Variants in PERM1 observed in about 807,000 individuals in gnomAD.
PERM1 encodes the protein PGC-1 and ERR-induced regulator in muscle protein 1.
PERM1 carries 45 observed loss-of-function variants against 44.1 expected under a neutral mutation model. The observed-to-expected ratio is 1.02, with a 90% confidence interval of 0.80 to 1.31. The LOEUF (loss-of-function observed/expected upper bound fraction) is 1.31. Ranked by LOEUF, PERM1 falls within the 50% of genes most tolerant of loss-of-function variation. PERM1 has a pLI of 0.00. For missense variants in PERM1, 1,189 were observed against 1,106.9 expected, an observed-to-expected ratio of 1.07 and a Z score of -1.05; for synonymous variants, 565 against 477.1, an observed-to-expected ratio of 1.18 and a Z score of -2.40.
chr1:979,615 A>G, exon 1 of PERM1: 1 of 1,550,276 alleles, frequency 6.5e-7, no homozygotes, highest in Non-Finnish European at 8.7e-7. Flanking sequence ...AACCGCCTCC[A>G]TCTCCACCAC....
upstream of PERM1, among the ~76,000 whole-genome samples, chr1:981,842 G>A (rs572280891): frequency 1.6e-3 from 246 of 152,328 alleles, no homozygotes; most frequent in South Asian, 2.7e-3. Flanking sequence ...GCCAGCTGTC[G>A]GGTCTACCCC....
At chr1:976,269 G>T (rs778949666) in exon 3 of PERM1, 138 of 1,514,136 alleles carry the variant, frequency 9.1e-5, no homozygotes, top group Non-Finnish European at 4.2e-5. Context: ...GGCCAGCAAG[G>T]CTGCAAGAGA....
At chr1:981,489 G>T (rs1643792031), upstream of PERM1, among the ~76,000 whole-genome samples, 1 of 152,228 alleles carries the variant, frequency 6.6e-6, no homozygotes, top group South Asian at 2.1e-4. Flanking sequence ...CACCCGATGG[G>T]ACCAGTGCCC....
At position 976,534 on chromosome 1, in the gene PERM1, G is replaced by GT; in HGVS notation, c.2239dup (p.Thr747AsnfsTer76). On this transcript the variant is annotated frameshift_variant, in exon 2 of 3. Transcript: ENST00000433179. LOFTEE classifies it high-confidence loss of function. ...GGCGTCTGGGGTATGCGGATCTGACGTCCTCACAGCCCAGGTGGCAAAAGC... is the reference window on the plus strand; with the variant it reads ...GGCGTCTGGGGTATGCGGATCTGACGTTCCTCACAGCCCAGGTGGCAAAAGC... 1.3e-6 allele frequency: 2 copies of GT among 1,549,582 alleles called. No individual in the cohort carries two copies. The highest frequency in any genetic ancestry group is 1.7e-6 in the Non-Finnish European group (2 of 1,146,440).
At chr1:979,258 G>A (rs1195158705) in exon 1 of PERM1, 1 of 1,549,962 alleles carries the variant, frequency 6.5e-7, no homozygotes, top group Admixed American at 2.0e-5. Context: ...CTCCTCGATG[G>A]TGTCACAGAA....
upstream of PERM1, chr1:981,095 C>T (rs1029257039): frequency 1.3e-6 from 2 of 1,548,394 alleles, no homozygotes; most frequent in African/African-American, 1.4e-5. Flanking sequence ...GGGTTCAGGC[C>T]CCGGGCACCA....
chr1:980,280 C>T (rs1344309990), exon 1 of PERM1: 19 of 1,550,264 alleles, frequency 1.2e-5, no homozygotes, highest in Non-Finnish European at 1.6e-5. Context: ...CCAAACCTGG[C>T]CCTGGTCTGT....
At chr1:978,645 C>T (rs1327155127) in intron 1 of PERM1, among the ~76,000 whole-genome samples, 2 of 152,234 alleles carry the variant, frequency 1.3e-5, no homozygotes, top group African/African-American at 4.8e-5. Context: ...GTCACATGGG[C>T]CCGAACACAG....
exon 1 of PERM1, chr1:979,995 C>G: frequency 6.5e-7 from 1 of 1,549,022 alleles, no homozygotes; most frequent in African/African-American, 1.4e-5. Flanking sequence ...CAGGTGTAGA[C>G]ACAGCCATGT....
At chr1:981,959 C>T, upstream of PERM1, 3 of 967,616 alleles carry the variant, frequency 3.1e-6, no homozygotes, top group Non-Finnish European at 4.2e-6. Context: ...GGTGGCTTCC[C>T]ACCCACTGAC....
At chr1:981,230 G>C, upstream of PERM1, 1 of 1,502,804 alleles carries the variant, frequency 6.7e-7, no homozygotes, top group Non-Finnish European at 8.9e-7. Flanking sequence ...CAAACCTAGT[G>C]GTGACGATTT....
At chr1:982,066 T>G (rs1036835594), upstream of PERM1, 1 of 1,288,248 alleles carries the variant, frequency 7.8e-7, no homozygotes, top group Admixed American at 2.3e-5. Flanking sequence ...ATGTCCTACC[T>G]GGGTCCCGGC....
Position 980,363 on chromosome 1 carries a change from C to T in PERM1, c.667G>A (p.Ala223Thr), listed in dbSNP as rs1333667508. ...CCTGGCCCCAACTCCTCCTGCCCGG[C>T]TTTGGCCATCAGCTTTGCCGTCTCA... The change falls in exon 1 of 3, where the codon GCC becomes ACC. Residue 223 changes from alanine (A) to threonine (T), a missense_variant. Around this residue, in one of 3 missense-constraint regions of PERM1, gnomAD observed 15 missense variants for 28.6 expected, o/e 0.52. Transcript: ENST00000433179. 8 of 1,550,196 alleles carry T rather than the reference C, an allele frequency of 5.2e-6. No individual in the cohort carries two copies. The East Asian group carries it at 1.5e-4, about 28-fold the overall frequency.
rs1430920636 is a variant in PERM1, at chr1:976,555, A to G, written c.2219T>C (p.Phe740Ser). The G allele has an allele frequency of 5.2e-6, 8 of 1,549,434 alleles. No individual in the cohort carries two copies. The East Asian group carries it at 2.0e-4, about 38-fold the overall frequency. ...TGACGTCCTCACAGCCCAGGTGGCA[A>G]AAGCTACAAACACCAGGCACATGTC... Residue 740 changes from phenylalanine (F) to serine (S), a missense_variant, in exon 2 of 3, where the codon TTT (phenylalanine) becomes TCT (serine). By Grantham distance (155) the Phe-to-Ser change is radical. Transcript: ENST00000433179.
exon 1 of PERM1, chr1:978,990 G>A: frequency 6.5e-7 from 1 of 1,526,924 alleles, no homozygotes; most frequent in Non-Finnish European, 8.8e-7. Context: ...CCTGCAGTGG[G>A]AGCGGGACAG....
Position 980,163 on chromosome 1 carries a change from TG to T in PERM1, c.866del (p.Pro289GlnfsTer135). On this transcript the variant is annotated frameshift_variant, in exon 1 of 3. Transcript: ENST00000433179. LOFTEE classifies it high-confidence loss of function. ...TGTCTGACTTAGCCCTTGAGACATC[TG>T]GGAGGGCTTCCCAGACAGTCGTGGA... 1 of 1,550,434 alleles carries T rather than the reference TG, an allele frequency of 6.4e-7. No homozygotes were observed. The highest frequency in any genetic ancestry group is 8.7e-7 in the Non-Finnish European group (1 of 1,146,982).
At chr1:979,116 C>T (rs1014509838) in exon 1 of PERM1, 89 of 1,549,754 alleles carry the variant, frequency 5.7e-5, no homozygotes, top group Non-Finnish European at 7.2e-5. Flanking sequence ...GATCAGCTCT[C>T]GGGAGCGGCT....
At chr1:980,389 G>A (rs958129332) in exon 1 of PERM1, 3 of 1,549,944 alleles carry the variant, frequency 1.9e-6, no homozygotes, top group Admixed American at 2.0e-5. Flanking sequence ...TGCCGTCTCA[G>A]GACTGGCCGC....
chr1:976,226 G>T, exon 3 of PERM1: 2 of 1,538,828 alleles, frequency 1.3e-6, no homozygotes, highest in Non-Finnish European at 1.8e-6. Flanking sequence ...CCTGCCGGCG[G>T]AAGTAGCGGA....
Sources: gnomAD v4.1 joint callset for allele counts (sites outside exome capture counted in the v4.1 genomes callset) on GRCh38, gnomAD v4.1.1 for gene constraint, gnomAD v4.1.1 regional missense constraint, MANE v1.5 for transcripts, NCBI Gene and HGNC (gene_info 2026-07-23, HGNC 2026-07-21) for gene names.